AUTS2: variants seen among roughly 807,000 people sequenced by gnomAD.
The protein encoded by AUTS2 is autism susceptibility gene 2 protein.
In AUTS2, 17 loss-of-function variants were observed where a neutral mutation model predicts 112.4. The ratio of observed to expected loss-of-function variants is 0.15; its 90% CI spans 0.10 to 0.23. The LOEUF is 0.23. Ranked by LOEUF, AUTS2 falls within the 10% of genes least tolerant of loss-of-function variation. The probability of loss-of-function intolerance (pLI) is 1.00; values close to 1 mark genes in which losing one functional copy is unlikely to be tolerated. For synonymous variants in AUTS2, 751 were observed against 702.7 expected (o/e 1.07, Z -1.09); for missense variants, 1,510 against 1,701.6 (o/e 0.89, Z 1.98).
chr7:69,897,745 G>A (rs1042661202), intron 1 of AUTS2, among the ~76,000 whole-genome samples: 2 of 151,998 alleles, frequency 1.3e-5, no homozygotes, highest in African/African-American at 2.4e-5. Flanking sequence ...CAACAAGAGC[G>A]AACTCTGTCT....
intron 1 of AUTS2, among the ~76,000 whole-genome samples, chr7:69,888,168 A>G (rs552495320): frequency 1.3e-5 from 2 of 152,134 alleles, no homozygotes; most frequent in Admixed American, 6.5e-5. Context: ...AATAAAAACA[A>G]GAAAAAGGAA....
chr7:70,436,447 C>T (rs899348694), intron 5 of AUTS2: 3 of 152,338 alleles, frequency 2.0e-5, no homozygotes, highest in South Asian at 2.1e-4. Context: ...GATCACAACT[C>T]GGTAAAGTGA....
chr7:70,626,331 C>T (rs1490455864), intron 5 of AUTS2, among the ~76,000 whole-genome samples: 1 of 142,274 alleles, frequency 7.0e-6, no homozygotes, highest in Non-Finnish European at 1.5e-5. Context: ...TGCATCCAGC[C>T]TGGGCAACAT....
At chr7:70,711,316 C>T (rs1810039241) in intron 6 of AUTS2, among the ~76,000 whole-genome samples, 1 of 152,134 alleles carries the variant, frequency 6.6e-6, no homozygotes, top group South Asian at 2.1e-4. Flanking sequence ...CTTTCCGAGC[C>T]CTCTCAGCAT....
intron 1 of AUTS2, among the ~76,000 whole-genome samples, chr7:69,602,499 C>T (rs940900657): frequency 6.6e-6 from 1 of 152,144 alleles, no homozygotes; most frequent in African/African-American, 2.4e-5. Flanking sequence ...GGTTTGAGAA[C>T]TACCAACTCA....
chr7:70,579,244 T>TAAAAAAAAAAAAAAAAAAAAAAAAAAA lies in AUTS2; in HGVS notation c.691-119307_691-119306insAAAAAAAAAAAAAAAAAAAAAAAAAAA, dbSNP rs10611601. 3.4e-3 allele frequency among the ~76,000 whole-genome samples: 190 copies of TAAAAAAAAAAAAAAAAAAAAAAAAAAA among 55,802 alleles called. 22 individuals carry two copies. The highest frequency in any genetic ancestry group is 4.7e-3 in the Non-Finnish European group (141 of 29,844). The allele number at this position is 55,802 out of a possible 152,430, so 36.6% of individuals were successfully genotyped here. A position where few individuals can be genotyped will look rare whatever the true frequency, so the allele number is the denominator to read the frequency against. On this transcript the variant is annotated intron_variant, in intron 5 of 18. Transcript: ENST00000342771. ...ATGCCCAGCCTTATATTCTCTTTTCTAAAAAAAAAAAAAAAAAAGATGAAG... is the reference window on the plus strand; with the variant it reads ...ATGCCCAGCCTTATATTCTCTTTTCTAAAAAAAAAAAAAAAAAAAAAAAAAAAAAAAAAAAAAAAAAAAAAGATGAAG...
chr7:70,565,097 C>T (rs538450677), intron 5 of AUTS2, among the ~76,000 whole-genome samples: 160 of 151,708 alleles, frequency 1.1e-3, no homozygotes, highest in African/African-American at 3.7e-3. Flanking sequence ...GACTCTGTCT[C>T]AAAAAATAAA....
chr7:70,420,885 A>G (rs565293660), intron 4 of AUTS2, among the ~76,000 whole-genome samples: 4 of 152,328 alleles, frequency 2.6e-5, no homozygotes, highest in East Asian at 1.9e-4. Context: ...AAAGCTATCA[A>G]ATTGTGCATT....
At chr7:70,691,949 C>T (rs567995241) in intron 5 of AUTS2, among the ~76,000 whole-genome samples, 17 of 148,464 alleles carry the variant, frequency 1.1e-4, no homozygotes, top group Admixed American at 4.1e-4. Flanking sequence ...GGCGTGATCT[C>T]GGCTCACTGC....
chr7:70,601,950 GA>G (rs1803492889), intron 5 of AUTS2, among the ~76,000 whole-genome samples: 1 of 152,104 alleles, frequency 6.6e-6, no homozygotes, highest in Admixed American at 6.5e-5. Context: ...TTACAGGTGA[GA>G]AAAAAGTTTG....
chr7:70,714,621 C>T (rs1327041295), intron 6 of AUTS2, among the ~76,000 whole-genome samples: 2 of 152,240 alleles, frequency 1.3e-5, no homozygotes, highest in African/African-American at 4.8e-5. Flanking sequence ...CCACCCTCCC[C>T]AGCTTCCCAT....
At chr7:69,990,794 G>T (rs1190932508) in intron 2 of AUTS2, among the ~76,000 whole-genome samples, 1 of 152,148 alleles carries the variant, frequency 6.6e-6, no homozygotes, top group Admixed American at 6.5e-5. Context: ...TGGAATATCT[G>T]CATTATACTT....
chr7:70,414,381 A>G (rs1794906437), intron 4 of AUTS2, among the ~76,000 whole-genome samples: 1 of 152,222 alleles, frequency 6.6e-6, no homozygotes, highest in Non-Finnish European at 1.5e-5. Flanking sequence ...ACCTTCTCCT[A>G]TCAGGGATAA....
intron 5 of AUTS2, among the ~76,000 whole-genome samples, chr7:70,525,628 G>T (rs2129495964): frequency 6.6e-6 from 1 of 152,276 alleles, no homozygotes; most frequent in African/African-American, 2.4e-5. Flanking sequence ...TTCAGAGCAT[G>T]GGAAAAACAA....
At chr7:69,808,512 T>G (rs1211510606) in intron 1 of AUTS2, among the ~76,000 whole-genome samples, 1 of 151,148 alleles carries the variant, frequency 6.6e-6, no homozygotes, top group Non-Finnish European at 1.5e-5. Context: ...CACTTGGAAG[T>G]AAAAAAAAAA....
chr7:69,745,636 G>C (rs1787457734), intron 1 of AUTS2, among the ~76,000 whole-genome samples: 1 of 152,070 alleles, frequency 6.6e-6, no homozygotes, highest in South Asian at 2.1e-4. Context: ...TCTTGCTGCA[G>C]GTCTGTTGAG....
intron 11 of AUTS2, among the ~76,000 whole-genome samples, chr7:70,773,025 G>T (rs536456840): frequency 1.8e-4 from 27 of 152,334 alleles, no homozygotes; most frequent in Middle Eastern, 3.4e-3. Context: ...GTTGAAATAG[G>T]CCTTTCCAGG....
chr7:69,695,815 A>G (rs900284595), intron 1 of AUTS2, among the ~76,000 whole-genome samples: 1 of 152,180 alleles, frequency 6.6e-6, no homozygotes, highest in African/African-American at 2.4e-5. Context: ...AATTTCTTGA[A>G]ACTGGGTATG....
intron 1 of AUTS2, among the ~76,000 whole-genome samples, chr7:69,880,721 C>T (rs1438809796): frequency 1.3e-5 from 2 of 152,174 alleles, no homozygotes; most frequent in Admixed American, 6.5e-5. Flanking sequence ...CTTATCACTT[C>T]CTTCCTCTTT....
Sources: gnomAD v4.1 joint callset for allele counts (sites outside exome capture counted in the v4.1 genomes callset) on GRCh38, gnomAD v4.1.1 for gene constraint, MANE v1.5 for transcripts, NCBI Gene and HGNC (gene_info 2026-07-23, HGNC 2026-07-21) for gene names.